Variants in TRIP4 observed in about 807,000 individuals in gnomAD.
TRIP4 encodes activating signal cointegrator 1.
Under a neutral mutation model 81.8 loss-of-function variants are expected in TRIP4, and 54 were observed. The ratio of observed to expected loss-of-function variants is 0.66; its 90% CI spans 0.53 to 0.83. The LOEUF (loss-of-function observed/expected upper bound fraction) is 0.83, where lower values mean the gene tolerates loss of function less well. Ranked by LOEUF, TRIP4 falls within the 40% of genes least tolerant of loss-of-function variation. The pLI is 0.00. For missense variants in TRIP4, 662 were observed against 683.6 expected (o/e 0.97, Z 0.35); for synonymous variants, 270 against 242.8 (o/e 1.11, Z -1.04).
At chr15:64,396,867 G>GT (rs1361361191) in intron 3 of TRIP4, among the ~76,000 whole-genome samples, 2 of 152,180 alleles carry the variant, frequency 1.3e-5, no homozygotes, top group Admixed American at 1.3e-4. Context: ...TGCCAGCAGT[G>GT]TATGAGAGGT....
rs527668904 is a variant in TRIP4 at position 64,406,292 on chromosome 15, A to C, written c.698-38A>C. On this transcript the variant is annotated intron_variant, in intron 5 of 12. Coordinates refer to ENST00000261884, the MANE Select transcript of TRIP4 (RefSeq NM_016213.5). ...ACACTGGTACAACTAATTTGTATTT[A>C]GAGGCTGACACCATTTGACTTCCTT... The C allele has an allele frequency of 4.4e-6, 7 of 1,607,600 alleles. No individual in the cohort carries two copies. The African/African-American group carries it at 9.4e-5, about 22-fold the overall frequency.
At chr15:64,451,858 G>C (rs972176792) in intron 12 of TRIP4, among the ~76,000 whole-genome samples, 2 of 150,748 alleles carry the variant, frequency 1.3e-5, no homozygotes, top group African/African-American at 4.9e-5. Flanking sequence ...TCACCATTTT[G>C]ACCAGGCTGG....
chr15:64,445,174 G>T, intron 12 of TRIP4, 66 bp downstream of exon 12: 1 of 833,490 alleles, frequency 1.2e-6, no homozygotes, highest in South Asian at 1.6e-5. Flanking sequence ...GAAAAAAGTA[G>T]AACAAGGAGT....
chr15:64,414,067 T>A lies in TRIP4; in HGVS notation c.1044-18T>A, dbSNP rs752486722. ...AGAACATTACCAATTGTTGCATCCTTTTGGTTTATTATCACAGACTAGATG... is the reference window on the plus strand; with the variant it reads ...AGAACATTACCAATTGTTGCATCCTATTGGTTTATTATCACAGACTAGATG... On this transcript the variant is annotated intron_variant, in intron 7 of 12. Transcript: ENST00000261884. The A allele has an allele frequency of 6.2e-7, 1 of 1,612,830 alleles. No individual in the cohort carries two copies. Among genetic ancestry groups the A allele is most frequent in the Non-Finnish European group, 8.5e-7 (1 of 1,179,244 alleles).
chr15:64,441,187 G>A (rs1036909892), intron 11 of TRIP4, among the ~76,000 whole-genome samples: 1 of 151,742 alleles, frequency 6.6e-6, no homozygotes, highest in Non-Finnish European at 1.5e-5. Context: ...TAGTAGAGAC[G>A]GGGTTTCACA....
In TRIP4 at chr15:64,408,888, G is replaced by A. The variant is rs141232642; in HGVS notation, c.828-725G>A. Among the ~76,000 whole-genome samples, 335 of 152,174 alleles carry A rather than the reference G, an allele frequency of 2.2e-3. 2 individuals are homozygous for A. The highest frequency in any genetic ancestry group is 4.1e-3 in the Non-Finnish European group (281 of 68,004). On this transcript the variant is annotated intron_variant, in intron 6 of 12. Coordinates refer to ENST00000261884, the MANE Select transcript of TRIP4 (RefSeq NM_016213.5). ...GCCTGCAAAGTGGGGTATAGGTAAT[G>A]ACATATAGTAGTAGGGTAATAGAAT...
At chr15:64,446,285 CTT>C (rs928968179) in intron 12 of TRIP4, among the ~76,000 whole-genome samples, 2 of 151,848 alleles carry the variant, frequency 1.3e-5, no homozygotes, top group African/African-American at 2.4e-5. Context: ...AAAAAAAAGA[CTT>C]AACATTTTAA....
intron 11 of TRIP4, among the ~76,000 whole-genome samples, chr15:64,436,594 A>C (rs1892405827): frequency 6.6e-6 from 1 of 151,808 alleles, no homozygotes; most frequent in African/African-American, 2.4e-5. Flanking sequence ...CCATCAACAA[A>C]AAAAAAATCT....
At chr15:64,445,659 C>T (rs11854235) in intron 12 of TRIP4, among the ~76,000 whole-genome samples, 1,231 of 92,410 alleles carry the variant, frequency 0.013, 21 homozygotes, top group African/African-American at 0.05. Flanking sequence ...CAGAGCGACA[C>T]TCAGTCTCAA....
At chr15:64,414,512 CTTTT>C (rs869202504) in intron 8 of TRIP4, among the ~76,000 whole-genome samples, 3 of 87,024 alleles carry the variant, frequency 3.4e-5, no homozygotes, top group African/African-American at 4.3e-5. Context: ...TGCTCTTTCT[CTTTT>C]TTTTTTTTTT....
chr15:64,390,078 T>C (rs1390645210), intron 1 of TRIP4, among the ~76,000 whole-genome samples: 1 of 146,350 alleles, frequency 6.8e-6, no homozygotes, highest in Non-Finnish European at 1.5e-5. Context: ...ATATCAAATA[T>C]TATATTAAAT....
At chr15:64,403,064 G>A (rs1462597964) in intron 5 of TRIP4, among the ~76,000 whole-genome samples, 2 of 151,882 alleles carry the variant, frequency 1.3e-5, no homozygotes, top group African/African-American at 4.8e-5. Context: ...GTGTTTCACT[G>A]TGTTAGCCAA....
At chr15:64,452,930 C>T (rs1892803711) in intron 12 of TRIP4, among the ~76,000 whole-genome samples, 1 of 152,098 alleles carries the variant, frequency 6.6e-6, no homozygotes, top group Non-Finnish European at 1.5e-5. Context: ...CCTGTAATCC[C>T]AGCACTTTGG....
chr15:64,397,271 A>G (rs938848605), intron 3 of TRIP4, among the ~76,000 whole-genome samples: 2 of 152,160 alleles, frequency 1.3e-5, no homozygotes, highest in South Asian at 4.1e-4. Context: ...ATCTGCTTTT[A>G]GAGGCATTCT....
At position 64,444,992 on chromosome 15, in the gene TRIP4, T is replaced by C; in HGVS notation, c.1576-14T>C. The C allele has an allele frequency of 7.0e-7, 1 of 1,420,592 alleles. No homozygotes were observed. The highest frequency in any genetic ancestry group is 9.8e-7 in the Non-Finnish European group (1 of 1,022,970). 88.0% of individuals were successfully genotyped at this position (1,420,592 alleles called of 1,614,324 possible). On this transcript the variant is annotated splice_polypyrimidine_tract_variant and intron_variant, in intron 11 of 12. Transcript: ENST00000261884. Reference sequence around the variant, plus strand: ...TCCCAACTATCCTGAACTTTTTATTTTTATATTTCACAGTTTCCAGACATC... The same window carrying C: ...TCCCAACTATCCTGAACTTTTTATTCTTATATTTCACAGTTTCCAGACATC...
chr15:64,404,245 T>G (rs967726115), intron 5 of TRIP4, among the ~76,000 whole-genome samples: 4 of 152,192 alleles, frequency 2.6e-5, no homozygotes, highest in Non-Finnish European at 5.9e-5. Context: ...CCCAGAATCC[T>G]GTTCACTCTT....
intron 11 of TRIP4, among the ~76,000 whole-genome samples, chr15:64,426,816 C>T (rs1462773075): frequency 6.6e-6 from 1 of 151,238 alleles, no homozygotes; most frequent in South Asian, 2.1e-4. Context: ...CTGGCTAACA[C>T]GGTCAAACCC....
At chr15:64,428,474 T>G (rs1892198769) in intron 11 of TRIP4, among the ~76,000 whole-genome samples, 1 of 152,178 alleles carries the variant, frequency 6.6e-6, no homozygotes, top group South Asian at 2.1e-4. Flanking sequence ...CAGCTAGAGG[T>G]GCTGGCAACT....
chr15:64,454,721 AT>A (rs1227495671), intron 12 of TRIP4, among the ~76,000 whole-genome samples: 1 of 152,150 alleles, frequency 6.6e-6, no homozygotes, highest in Non-Finnish European at 1.5e-5. Flanking sequence ...TAAAAATGTG[AT>A]TATTTCTTTT....
Sources: gnomAD v4.1 joint callset for allele counts (sites outside exome capture counted in the v4.1 genomes callset) on GRCh38, gnomAD v4.1.1 for gene constraint, MANE v1.5 for transcripts, NCBI Gene and HGNC (gene_info 2026-07-23, HGNC 2026-07-21) for gene names.